Variants in PRKD2 observed in about 807,000 individuals in gnomAD.
The protein encoded by PRKD2 is serine/threonine-protein kinase D2.
A neutral mutation model predicts 86.0 loss-of-function variants in PRKD2; 22 were observed. That is an observed-to-expected ratio of 0.26 (90% CI 0.18 to 0.37). The LOEUF (loss-of-function observed/expected upper bound fraction) is 0.37. Among genes scored for constraint, PRKD2 ranks in the 10% least tolerant of loss-of-function variants. The probability of loss-of-function intolerance (pLI) is 1.00; values close to 1 mark genes in which losing one functional copy is unlikely to be tolerated. For missense variants in PRKD2, 818 were observed against 1,199.2 expected (o/e 0.68, Z 4.70); for synonymous variants, 509 against 510.9 (o/e 1.00, Z 0.05).
intron 11 of PRKD2, 28 bp from the exon 12 acceptor site, chr19:46,691,835 G>A (rs2053487945): frequency 6.2e-7 from 1 of 1,613,516 alleles, no homozygotes; most frequent in Non-Finnish European, 8.5e-7. Context: ...GGCAGGTCAG[G>A]GGTGCAAATG....
intron 16 of PRKD2, among the ~76,000 whole-genome samples, chr19:46,675,466 C>CAA (rs2053185530): frequency 6.6e-6 from 1 of 152,086 alleles, no homozygotes; most frequent in Admixed American, 6.6e-5. Flanking sequence ...TTTATTGAGA[C>CAA]AGAGTCTCGC....
Position 46,714,254 on chromosome 19 carries a change from G to A in PRKD2, c.241-253C>T, listed in dbSNP as rs1338040798. The A allele has an allele frequency of 3.1e-6, 4 of 1,280,292 alleles. 1 individual carries two copies. In the South Asian group the frequency reaches 6.1e-5, roughly 19 times the overall value. The allele number at this position is 1,280,292 out of a possible 1,614,324, so 79.3% of individuals were successfully genotyped here. ...AGGGGGAGCTGGGGTGGGAGGGAGA[G>A]TGGCTCCGGGAGCGTGGACACCTCG... On this transcript the variant is annotated intron_variant, in intron 1 of 17. Transcript: ENST00000291281.
At chr19:46,703,958 A>ACACACACAC (rs1555830818) in intron 5 of PRKD2, among the ~76,000 whole-genome samples, 5 of 133,742 alleles carry the variant, frequency 3.7e-5, no homozygotes, top group South Asian at 2.5e-4. Flanking sequence ...AAACAACAAC[A>ACACACACAC]ACACACACAC....
chr19:46,715,598 TAG>T (rs2053870836), intron 1 of PRKD2, among the ~76,000 whole-genome samples: 1 of 152,160 alleles, frequency 6.6e-6, no homozygotes, highest in Admixed American at 6.5e-5. Flanking sequence ...GGAAAGGGAA[TAG>T]AGTCCCCAGG....
chr19:46,680,636 T>G (rs1223503520), intron 15 of PRKD2, among the ~76,000 whole-genome samples: 1 of 151,740 alleles, frequency 6.6e-6, no homozygotes, highest in Non-Finnish European at 1.5e-5. Flanking sequence ...GTCAATCTAT[T>G]TCCCCAACTG....
chr19:46,678,439 G>A lies in PRKD2; in HGVS notation c.2295C>T (p.Ala765=). Residue 765 remains alanine (A), a synonymous_variant, in exon 16 of 18, where the codon GCC becomes GCT. Coordinates refer to ENST00000291281, the MANE Select transcript of PRKD2 (RefSeq NM_016457.5). This position sits in a 1 kb window ranked among gnomAD's most constrained non-coding sequence, Gnocchi z 5.7. ...TCCAGGGGCTGGCCGGGTACATGAA[G>A]GCGGCGTTCTGGATCTGGTCATTGA... is the stretch of plus-strand genomic sequence containing the variant. ...EDINDQIQNA[A]FMYPASPWSH... 8.1e-6 allele frequency: 13 copies of A among 1,614,194 alleles called. No individual in the cohort carries two copies. Among genetic ancestry groups the A allele is most frequent in the Non-Finnish European group, 1.0e-5 (12 of 1,180,038 alleles).
In PRKD2 at chr19:46,693,969, A is replaced by G. The variant is rs1256157949; in HGVS notation, c.1482T>C (p.Ala494=). 1 of 1,612,886 alleles carries G rather than the reference A, an allele frequency of 6.2e-7. No homozygotes were observed. Among genetic ancestry groups the G allele is most frequent in the South Asian group, 1.1e-5 (1 of 91,076 alleles). ...GTPGGPSGQG[A]EAARGWETAI... ...CTGTCTCCCAGCCCCGGGCGGCCTC[A>G]GCCCCCTGCCCACTTGGCCCACCCG... Residue 494 remains alanine, a synonymous_variant, in exon 10 of 18, where the codon GCT becomes GCC. Transcript: ENST00000291281. The surrounding 1 kb of genome is among the most constrained non-coding windows in gnomAD (Gnocchi z 4.5).
chr19:46,691,388 T>G (rs1395267252), intron 12 of PRKD2, among the ~76,000 whole-genome samples: 1 of 152,062 alleles, frequency 6.6e-6, no homozygotes, highest in Non-Finnish European at 1.5e-5. Flanking sequence ...GTGGCCAATA[T>G]GAATGCAGAA....
intron 3 of PRKD2, among the ~76,000 whole-genome samples, chr19:46,705,726 G>A (rs2053705152): frequency 6.6e-6 from 1 of 151,410 alleles, no homozygotes; most frequent in Non-Finnish European, 1.5e-5. Context: ...GGCAGAGGTT[G>A]TAGTGAGCTG....
At position 46,693,702 on chromosome 19, in the gene PRKD2, C is replaced by T. The variant is rs141412186; in HGVS notation, c.1576+173G>A. On this transcript the variant is annotated intron_variant, in intron 10 of 17. Transcript: ENST00000291281. This position sits in a 1 kb window ranked among gnomAD's most constrained non-coding sequence, Gnocchi z 4.5. ...ATCCTCCCTCCTTGGCTTCCCAAAG[C>T]GCTGGGATTAACAGGAGTGATTAAC... 6.7e-4 allele frequency among the ~76,000 whole-genome samples: 102 copies of T among 152,268 alleles called. 1 individual carries two copies. The highest frequency in any genetic ancestry group is 2.2e-3 in the African/African-American group (91 of 41,574).
chr19:46,681,111 G>A (rs987067347), intron 15 of PRKD2, among the ~76,000 whole-genome samples: 2 of 148,424 alleles, frequency 1.3e-5, no homozygotes, highest in African/African-American at 2.5e-5. Context: ...ACACCACCAC[G>A]CCCCGCTAAT....
At chr19:46,704,097 C>T (rs2053675869) in intron 5 of PRKD2, 72 bp downstream of exon 5, 1 of 1,590,430 alleles carries the variant, frequency 6.3e-7, no homozygotes, top group Non-Finnish European at 8.6e-7. Context: ...TCCTTGTGTC[C>T]TGCCACAAGA....
At position 46,704,538 on chromosome 19, in the gene PRKD2, C is replaced by T. The variant is rs1026645138; in HGVS notation, c.623G>A (p.Arg208His). The part of the protein sequence containing the change: ...STSLASGHSV[R>H]LGTSESLPCT... ...GGGCAGGGACTCGGAGGTGCCGAGGCGCACCGAGTGGCCACTGGCCAGAGA... is the reference window on the plus strand; with the variant it reads ...GGGCAGGGACTCGGAGGTGCCGAGGTGCACCGAGTGGCCACTGGCCAGAGA... The change falls in exon 4 of 18, where the codon CGC (arginine) becomes CAC (histidine). Residue 208 changes from arginine (R) to histidine (H), a missense_variant. Physicochemically the swap from Arg to His is conservative, Grantham distance 29. This residue lies in a region of PRKD2 where 403 missense variants were observed against 518.6 expected (regional missense o/e 0.78). Coordinates refer to ENST00000291281, the MANE Select transcript of PRKD2 (RefSeq NM_016457.5). The T allele has an allele frequency of 6.8e-6, 11 of 1,614,140 alleles. No homozygotes were observed. The highest frequency in any genetic ancestry group is 4.5e-5 in the East Asian group (2 of 44,870).
intron 14 of PRKD2, chr19:46,686,088 G>C (rs7258132): frequency 6.6e-6 from 1 of 152,146 alleles, no homozygotes; most frequent in South Asian, 2.1e-4. Flanking sequence ...ACACAGCAAC[G>C]ATGGCTCTGA....
At chr19:46,694,213 G>C (rs1344800918) in intron 9 of PRKD2, 80 bp from the exon 10 acceptor site, 2 of 1,540,674 alleles carry the variant, frequency 1.3e-6, no homozygotes, top group African/African-American at 1.4e-5. Flanking sequence ...GGATACACGG[G>C]ATCCATGTTG....
intron 14 of PRKD2, 121 bp downstream of exon 14, chr19:46,689,416 G>T: frequency 8.2e-7 from 1 of 1,215,130 alleles, no homozygotes; most frequent in Non-Finnish European, 1.1e-6. Context: ...CCTGATGATG[G>T]TTTCTGTTAT....
chr19:46,691,660 G>C, intron 12 of PRKD2, 75 bp downstream of exon 12: 1 of 1,467,098 alleles, frequency 6.8e-7, no homozygotes, highest in Non-Finnish European at 9.5e-7. Flanking sequence ...GTTGGAGCCA[G>C]AAAGAAAGGG....
rs928404753 is a variant in PRKD2, at chr19:46,678,066, C to G, written c.2338+330G>C. 2.0e-5 allele frequency among the ~76,000 whole-genome samples: 3 copies of G among 152,198 alleles called. No individual in the cohort carries two copies. Among genetic ancestry groups the G allele is most frequent in the Admixed American group, 2.0e-4 (3 of 15,284 alleles). On this transcript the variant is annotated intron_variant, in intron 16 of 17. Coordinates refer to ENST00000291281, the MANE Select transcript of PRKD2 (RefSeq NM_016457.5). The surrounding 1 kb of genome is among the most constrained non-coding windows in gnomAD (Gnocchi z 5.7). ...GCCCCTTCTCCTGGTCACCGCAGCC[C>G]TTTGGTACCCTCAAGTCCAGTCCCT... is the stretch of plus-strand genomic sequence containing the variant.
At position 46,708,308 on chromosome 19, in the gene PRKD2, C is replaced by CT. The variant is rs61231695; in HGVS notation, c.511+2598dup. Among the ~76,000 whole-genome samples, 262 of 82,190 alleles carry CT rather than the reference C, an allele frequency of 3.2e-3. 10 individuals are homozygous for CT. Among genetic ancestry groups the CT allele is most frequent in the East Asian group, 5.5e-3 (16 of 2,908 alleles). 53.9% of individuals were successfully genotyped at this position (82,190 alleles called of 152,430 possible). ...GCTGTAATCCAATGGGACTGGTGAC[C>CT]TTTTTTTTTTTTTTTTTTTTTTTTT... On this transcript the variant is annotated intron_variant, in intron 3 of 17. Coordinates refer to ENST00000291281, the MANE Select transcript of PRKD2 (RefSeq NM_016457.5).
Sources: allele counts gnomAD v4.1 joint callset (sites outside exome capture counted in the v4.1 genomes callset), GRCh38; gene constraint gnomAD v4.1.1; regional missense constraint gnomAD v4.1.1; non-coding constraint Gnocchi (gnomAD v3.1); transcripts MANE v1.5; gene names NCBI Gene and HGNC (gene_info 2026-07-23, HGNC 2026-07-21).